Variants in GRIN2B observed in about 807,000 individuals in gnomAD.
GRIN2B encodes the protein glutamate ionotropic receptor NMDA type subunit 2B, also known as glutamate receptor ionotropic, NMDA 2B.
In GRIN2B, 5 loss-of-function variants were observed where a neutral mutation model predicts 114.5. The ratio of observed to expected loss-of-function variants is 0.04; its 90% CI spans 0.02 to 0.09. The LOEUF (loss-of-function observed/expected upper bound fraction) is 0.09, where lower values mean the gene tolerates loss of function less well. Ranked by LOEUF, GRIN2B falls within the 10% of genes least tolerant of loss-of-function variation. GRIN2B has a pLI of 1.00. For missense variants in GRIN2B, 1,108 were observed against 1,943.5 expected (o/e 0.57, Z 8.08); for synonymous variants, 787 against 745.1 (o/e 1.06, Z -0.92).
intron 10 of GRIN2B, among the ~76,000 whole-genome samples, chr12:13,573,365 G>A (rs1948731082): frequency 6.7e-6 from 1 of 149,020 alleles, no homozygotes; most frequent in African/African-American, 2.5e-5. Flanking sequence ...GCAGGAGAAT[G>A]GCATGAACCC....
intron 5 of GRIN2B, among the ~76,000 whole-genome samples, chr12:13,666,672 T>G (rs1216861877): frequency 6.6e-6 from 1 of 152,182 alleles, no homozygotes; most frequent in African/African-American, 2.4e-5. Context: ...CTTCTCTTCC[T>G]GTATACATGA....
At chr12:13,937,087 A>AT (rs1214900361) in intron 2 of GRIN2B, among the ~76,000 whole-genome samples, 2 of 146,340 alleles carry the variant, frequency 1.4e-5, no homozygotes, top group Non-Finnish European at 3.0e-5. Context: ...ACAGAAATAA[A>AT]AAAAAAAAAG....
intron 2 of GRIN2B, among the ~76,000 whole-genome samples, chr12:13,969,777 A>G (rs1032783097): frequency 6.6e-5 from 10 of 152,354 alleles, no homozygotes; most frequent in African/African-American, 2.2e-4. Context: ...AAGATCATTT[A>G]TGAGTTTCAG....
At chr12:13,980,909 C>CG (rs1444239969) in intron 1 of GRIN2B, among the ~76,000 whole-genome samples, 7 of 152,090 alleles carry the variant, frequency 4.6e-5, no homozygotes, top group Non-Finnish European at 7.4e-5. Flanking sequence ...CGCACACACG[C>CG]CCCCGACGCG....
intron 2 of GRIN2B, among the ~76,000 whole-genome samples, chr12:13,896,517 G>A (rs184933073): frequency 7.9e-4 from 121 of 152,310 alleles, no homozygotes; most frequent in East Asian, 9.6e-4. Flanking sequence ...AGGCCATAGT[G>A]GCGCCTGTAA....
intron 10 of GRIN2B, among the ~76,000 whole-genome samples, chr12:13,573,822 ATAAATGCCATCTTAATTGC>A (rs1948738396): frequency 1.3e-5 from 2 of 152,198 alleles, no homozygotes; most frequent in Admixed American, 1.3e-4. Flanking sequence ...ACCAGGAGCC[ATAAATGCCATCTTAATTGC>A]TCAGTGCTGG....
At chr12:13,838,639 A>C (rs1049014658) in intron 3 of GRIN2B, among the ~76,000 whole-genome samples, 1 of 151,776 alleles carries the variant, frequency 6.6e-6, no homozygotes, top group Non-Finnish European at 1.5e-5. Flanking sequence ...TCACCTCTTC[A>C]AGGATTAATA....
chr12:13,841,709 C>A (rs184787242), intron 3 of GRIN2B, among the ~76,000 whole-genome samples: 3 of 152,186 alleles, frequency 2.0e-5, no homozygotes, highest in East Asian at 1.9e-4. Context: ...GGATCAATGA[C>A]AATCCATGAT....
intron 6 of GRIN2B, among the ~76,000 whole-genome samples, chr12:13,616,113 G>T (rs1949436447): frequency 1.3e-5 from 2 of 152,130 alleles, no homozygotes; most frequent in South Asian, 4.2e-4. Context: ...TCAAAAAATG[G>T]TTCTAAATCT....
At chr12:13,874,009 A>C (rs1248564695) in intron 2 of GRIN2B, among the ~76,000 whole-genome samples, 1 of 152,246 alleles carries the variant, frequency 6.6e-6, no homozygotes, top group Non-Finnish European at 1.5e-5. Flanking sequence ...TCTCTGAGCC[A>C]GCAGATGAAC....
rs1948383715 is a variant in GRIN2B at position 13,549,364 on chromosome 12, G to C, written c.*13419C>G. On this transcript the variant is annotated 3_prime_UTR_variant, in exon 14 of 14. Coordinates refer to ENST00000609686, the MANE Select transcript of GRIN2B (RefSeq NM_000834.5). ...AGTAATTATTTATTATCGGTCTGGG[G>C]GCTATAGGTTCTTTCTTCAAGAATT... 1.3e-5 allele frequency: 2 copies of C among 152,044 alleles called. No individual in the cohort carries two copies. The highest frequency in any genetic ancestry group is 4.2e-4 in the South Asian group (2 of 4,816). 9.4% of individuals were successfully genotyped at this position (152,044 alleles called of 1,614,324 possible).
chr12:13,941,148 T>A (rs1484531178), intron 2 of GRIN2B, among the ~76,000 whole-genome samples: 3 of 152,078 alleles, frequency 2.0e-5, no homozygotes, highest in Admixed American at 6.6e-5. Flanking sequence ...TCTGTGGCCG[T>A]TGGATAGAGC....
intron 5 of GRIN2B, among the ~76,000 whole-genome samples, chr12:13,645,089 C>G (rs774185887): frequency 1.3e-5 from 2 of 152,092 alleles, no homozygotes; most frequent in African/African-American, 2.4e-5. Context: ...TACAAGAGAC[C>G]TAGCTTTCAG....
Position 13,753,728 on chromosome 12 carries a change from T to C in GRIN2B, c.599A>G (p.Glu200Gly). Residue 200 changes from glutamate to glycine, a missense_variant, in exon 4 of 14, where the codon GAG (glutamate) becomes GGG (glycine). By Grantham distance (98) the Glu-to-Gly change is moderately conservative. Coordinates refer to ENST00000609686, the MANE Select transcript of GRIN2B (RefSeq NM_000834.5). The surrounding 1 kb of genome is among the most constrained non-coding windows in gnomAD (Gnocchi z 6.2). ...GGACATGTCCAGTAGGAGGACCTCC[T>C]CTAGCTCCCAGCCCACAAAGCTATT... is the stretch of plus-strand genomic sequence containing the variant. ...IENSFVGWEL[E>G]EVLLLDMSLD... The C allele has an allele frequency of 2.5e-6, 4 of 1,614,226 alleles. No homozygotes were observed. Among genetic ancestry groups the C allele is most frequent in the Non-Finnish European group, 3.4e-6 (4 of 1,180,028 alleles).
intron 4 of GRIN2B, among the ~76,000 whole-genome samples, chr12:13,680,347 G>C (rs1050605707): frequency 2.0e-5 from 3 of 151,630 alleles, no homozygotes; most frequent in African/African-American, 7.3e-5. Context: ...TCATCCTCAA[G>C]TACACAGTCA....
intron 4 of GRIN2B, among the ~76,000 whole-genome samples, chr12:13,692,760 C>CTTTTTTTTTTTTTTTTT (rs71067718): frequency 2.5e-4 from 13 of 52,114 alleles, no homozygotes; most frequent in African/African-American, 3.8e-4. Context: ...TCTTTCTTTT[C>CTTTTTTTTTTTTTTTTT]TTTTTTTTTT....
intron 3 of GRIN2B, among the ~76,000 whole-genome samples, chr12:13,835,616 G>A (rs1379115779): frequency 6.6e-6 from 1 of 151,852 alleles, no homozygotes; most frequent in African/African-American, 2.4e-5. Context: ...TGGGGAAAAG[G>A]ATGAGCTTGG....
intron 4 of GRIN2B, among the ~76,000 whole-genome samples, chr12:13,747,759 AC>A (rs1231355509): frequency 5.9e-5 from 9 of 152,228 alleles, no homozygotes; most frequent in Middle Eastern, 3.2e-3. Context: ...CGTTTGCCTT[AC>A]CATAAATCTG....
At chr12:13,855,465 A>G (rs1285760902) in intron 3 of GRIN2B, among the ~76,000 whole-genome samples, 1 of 152,152 alleles carries the variant, frequency 6.6e-6, no homozygotes, top group African/African-American at 2.4e-5. Flanking sequence ...GGCTTAAAAC[A>G]ACAGAAATGT....
Sources: gnomAD v4.1 joint callset for allele counts (sites outside exome capture counted in the v4.1 genomes callset) on GRCh38, gnomAD v4.1.1 for gene constraint, Gnocchi (gnomAD v3.1) non-coding constraint, MANE v1.5 for transcripts, NCBI Gene and HGNC (gene_info 2026-07-23, HGNC 2026-07-21) for gene names.